Variants in NEK1 observed in about 807,000 individuals in gnomAD.
NEK1 encodes the protein serine/threonine-protein kinase Nek1.
In NEK1, 137 loss-of-function variants were observed where a neutral mutation model predicts 182.1. That is an observed-to-expected ratio of 0.75 (90% CI 0.65 to 0.87). The LOEUF (loss-of-function observed/expected upper bound fraction) is 0.87, where lower values mean the gene tolerates loss of function less well. NEK1 is among the 40% of genes least tolerant of loss of function. The pLI, the probability that NEK1 is intolerant of heterozygous loss-of-function variation, is 0.00. For synonymous variants in NEK1, 513 were observed against 492.2 expected (o/e 1.04, Z -0.56); for missense variants, 1,391 against 1,494.4 (o/e 0.93, Z 1.14).
At chr4:169,414,287 G>C (rs1021031293) in intron 31 of NEK1, among the ~76,000 whole-genome samples, 3 of 151,758 alleles carry the variant, frequency 2.0e-5, no homozygotes, top group African/African-American at 7.3e-5. Context: ...ACAACAGAAA[G>C]GTCAGTATAA....
chr4:169,495,521 C>T (rs955225399), intron 23 of NEK1, among the ~76,000 whole-genome samples: 5 of 152,136 alleles, frequency 3.3e-5, no homozygotes, highest in African/African-American at 9.7e-5. Flanking sequence ...GGATTACAGG[C>T]GTGAGCCACC....
intron 12 of NEK1, among the ~76,000 whole-genome samples, chr4:169,573,967 C>T (rs759965969): frequency 1.3e-5 from 2 of 151,876 alleles, no homozygotes; most frequent in Non-Finnish European, 2.9e-5. Flanking sequence ...TTGAGACAAG[C>T]CTGGGTAACA....
rs1017139974 is a variant in NEK1 at position 169,557,360 on chromosome 4, G to A, written c.1267-1265C>T. On this transcript the variant is annotated intron_variant, in intron 16 of 35. Coordinates refer to ENST00000507142, the MANE Select transcript of NEK1 (RefSeq NM_001199397.3). The stretch of plus-strand genomic sequence containing the variant: ...AGTAAAAAATAGAGATGTCAGAAAA[G>A]GATAAGGGTAAAAGTAAATAAAAAC... 2.0e-5 allele frequency among the ~76,000 whole-genome samples: 3 copies of A among 151,012 alleles called. No homozygotes were observed. In the South Asian group the frequency reaches 6.3e-4, roughly 32 times the overall value.
chr4:169,566,552 A>AT (rs1469351081), intron 12 of NEK1, among the ~76,000 whole-genome samples: 4 of 152,148 alleles, frequency 2.6e-5, no homozygotes, highest in Non-Finnish European at 5.9e-5. Flanking sequence ...TTAAAAAAAA[A>AT]CCTATGACTT....
At chr4:169,521,069 A>G (rs1755902730) in intron 19 of NEK1, among the ~76,000 whole-genome samples, 1 of 88,586 alleles carries the variant, frequency 1.1e-5, no homozygotes, top group African/African-American at 4.2e-5. Flanking sequence ...TGTTTACCTA[A>G]GCAAGCCTGG....
chr4:169,578,890 G>GA (rs1561452027), intron 11 of NEK1, among the ~76,000 whole-genome samples: 1 of 151,780 alleles, frequency 6.6e-6, no homozygotes, highest in African/African-American at 2.4e-5. Context: ...GGAAGCATGA[G>GA]AAAAAAAAGA....
At chr4:169,565,622 A>G (rs1379059462) in intron 12 of NEK1, among the ~76,000 whole-genome samples, 2 of 152,244 alleles carry the variant, frequency 1.3e-5, no homozygotes, top group Admixed American at 1.3e-4. Flanking sequence ...GGCAACAAAA[A>G]GAAAATGAAG....
At chr4:169,589,413 A>C in intron 7 of NEK1, 34 bp downstream of exon 7, 1 of 1,230,278 alleles carries the variant, frequency 8.1e-7, no homozygotes, top group Non-Finnish European at 1.2e-6. Context: ...CGCTGAAAAC[A>C]TTATATCAAA....
At chr4:169,493,984 C>T (rs2149622231) in intron 23 of NEK1, among the ~76,000 whole-genome samples, 1 of 152,238 alleles carries the variant, frequency 6.6e-6, no homozygotes, top group East Asian at 1.9e-4. Context: ...CCAAGGCACA[C>T]AGTCATCAGA....
intron 12 of NEK1, among the ~76,000 whole-genome samples, chr4:169,573,432 A>G (rs1422826415): frequency 1.3e-5 from 2 of 152,222 alleles, no homozygotes; most frequent in African/African-American, 2.4e-5. Flanking sequence ...TGAAAGTTAG[A>G]CTAGTTACAA....
intron 12 of NEK1, among the ~76,000 whole-genome samples, chr4:169,569,824 C>G (rs948731728): frequency 2.0e-5 from 3 of 152,162 alleles, no homozygotes; most frequent in African/African-American, 7.2e-5. Context: ...AGTGCAGTGT[C>G]GTGATCTCGG....
intron 32 of NEK1, among the ~76,000 whole-genome samples, chr4:169,403,094 A>T (rs1193002749): frequency 6.6e-6 from 1 of 152,208 alleles, no homozygotes; most frequent in Non-Finnish European, 1.5e-5. Context: ...TATAATTTCC[A>T]TTAATAGAGT....
At chr4:169,526,033 A>C (rs897960702) in intron 19 of NEK1, among the ~76,000 whole-genome samples, 3 of 152,216 alleles carry the variant, frequency 2.0e-5, no homozygotes, top group Non-Finnish European at 4.4e-5. Flanking sequence ...AATTTTATTA[A>C]TAAGGTTCAG....
chr4:169,440,633 G>A (rs569620837), intron 27 of NEK1, among the ~76,000 whole-genome samples: 1 of 152,120 alleles, frequency 6.6e-6, no homozygotes, highest in Non-Finnish European at 1.5e-5. Flanking sequence ...GGAAGGAGAG[G>A]GAAGCGAAAC....
chr4:169,419,111 A>C (rs1000587667), intron 31 of NEK1, among the ~76,000 whole-genome samples: 9 of 152,264 alleles, frequency 5.9e-5, no homozygotes, highest in African/African-American at 2.2e-4. Context: ...CTTACTCCCC[A>C]AAACCCTTAC....
Position 169,425,384 on chromosome 4 carries a change from T to C in NEK1, c.2975-584A>G, listed in dbSNP as rs563636579. ...CTGCAGTGAGTTATCATCGCGCCACTGCACTCCAGCCTGGGCAACAGAGTG... is the reference window on the plus strand; with the variant it reads ...CTGCAGTGAGTTATCATCGCGCCACCGCACTCCAGCCTGGGCAACAGAGTG... On this transcript the variant is annotated intron_variant, in intron 30 of 35. Coordinates refer to ENST00000507142, the MANE Select transcript of NEK1 (RefSeq NM_001199397.3). Among the ~76,000 whole-genome samples the C allele has an allele frequency of 4.7e-5, 7 of 149,776 alleles. No homozygotes were observed. The East Asian group carries it at 1.2e-3, about 25-fold the overall frequency.
At chr4:169,551,295 G>GA (rs1293467459) in intron 18 of NEK1, among the ~76,000 whole-genome samples, 2 of 152,100 alleles carry the variant, frequency 1.3e-5, no homozygotes, top group East Asian at 1.9e-4. Context: ...CACTTTTCTA[G>GA]AAAAAAACTT....
chr4:169,570,423 C>A (rs567894240), intron 12 of NEK1, among the ~76,000 whole-genome samples: 2 of 151,562 alleles, frequency 1.3e-5, no homozygotes, highest in Non-Finnish European at 2.9e-5. Flanking sequence ...GTCAGCCCCC[C>A]ACCAGGCCAG....
At chr4:169,558,525 A>G (rs567105964) in intron 16 of NEK1, among the ~76,000 whole-genome samples, 88 of 152,228 alleles carry the variant, frequency 5.8e-4, no homozygotes, top group Non-Finnish European at 1.2e-3. Context: ...AAAATCATAA[A>G]TATGTACTCT....
Sources: allele counts gnomAD v4.1 joint callset (sites outside exome capture counted in the v4.1 genomes callset), GRCh38; gene constraint gnomAD v4.1.1; transcripts MANE v1.5; gene names NCBI Gene and HGNC (gene_info 2026-07-23, HGNC 2026-07-21).